Variants in RHOBTB3 observed in about 807,000 individuals in gnomAD.
RHOBTB3 encodes the protein rho-related BTB domain-containing protein 3.
A neutral mutation model predicts 67.2 loss-of-function variants in RHOBTB3; 47 were observed. The observed-to-expected ratio is 0.70, with a 90% CI of 0.55 to 0.89. The LOEUF is 0.89. Ranked by LOEUF, RHOBTB3 falls within the 40% of genes least tolerant of loss-of-function variation. The probability of loss-of-function intolerance (pLI) is 0.00; values close to 1 mark genes in which losing one functional copy is unlikely to be tolerated. For missense variants in RHOBTB3, 631 were observed against 750.0 expected (o/e 0.84, Z 1.85); for synonymous variants, 273 against 274.2 (o/e 1.00, Z 0.04).
chr5:95,732,159 C>T (rs755101624), intron 2 of RHOBTB3, 75 bp downstream of exon 2: 1 of 1,360,290 alleles, frequency 7.4e-7, no homozygotes, highest in Non-Finnish European at 1.0e-6. Flanking sequence ...CCCCCTTCTG[C>T]CCACTTCCGT....
At chr5:95,783,650 C>A (rs947981994) in intron 9 of RHOBTB3, 147 bp from the exon 10 acceptor site, 1 of 508,942 alleles carries the variant, frequency 2.0e-6, no homozygotes, top group Non-Finnish European at 3.4e-6. Flanking sequence ...CTGACTCCCT[C>A]GAGGCTTTTC....
intron 6 of RHOBTB3, among the ~76,000 whole-genome samples, chr5:95,756,432 C>T (rs1209812547): frequency 6.6e-6 from 1 of 152,202 alleles, no homozygotes; most frequent in East Asian, 1.9e-4. Context: ...GTTGCTTCCA[C>T]TGTTTTAGCT....
chr5:95,757,577 G>A (rs1046283895), intron 6 of RHOBTB3, among the ~76,000 whole-genome samples: 5 of 152,258 alleles, frequency 3.3e-5, no homozygotes, highest in Non-Finnish European at 5.9e-5. Flanking sequence ...TAAAAATAAG[G>A]TATTACTTTG....
intron 8 of RHOBTB3, among the ~76,000 whole-genome samples, chr5:95,775,611 T>C (rs906628815): frequency 3.9e-5 from 6 of 152,046 alleles, no homozygotes; most frequent in African/African-American, 1.4e-4. Flanking sequence ...TTAATGCCTC[T>C]CAGTGTGACA....
chr5:95,734,753 A>G (rs756572413), intron 2 of RHOBTB3, among the ~76,000 whole-genome samples: 22 of 152,186 alleles, frequency 1.4e-4, no homozygotes, highest in Non-Finnish European at 2.8e-4. Context: ...TAATAGATTT[A>G]CAGTTTTCTT....
chr5:95,734,811 T>C (rs1055203399), intron 2 of RHOBTB3, among the ~76,000 whole-genome samples: 1 of 152,204 alleles, frequency 6.6e-6, no homozygotes, highest in African/African-American at 2.4e-5. Flanking sequence ...GTATTTATAG[T>C]CTTCACATCC....
At chr5:95,744,232 T>C (rs147710666) in intron 3 of RHOBTB3, among the ~76,000 whole-genome samples, 723 of 152,302 alleles carry the variant, frequency 4.7e-3, no homozygotes, top group African/African-American at 0.017. Flanking sequence ...TGCTGTATTC[T>C]TAACTGTAGT....
chr5:95,761,280 T>A (rs924476162), intron 6 of RHOBTB3, among the ~76,000 whole-genome samples: 1 of 152,076 alleles, frequency 6.6e-6, no homozygotes, highest in African/African-American at 2.4e-5. Context: ...CATGTTCCCT[T>A]TCCTGCATAC....
At chr5:95,756,089 C>A in intron 6 of RHOBTB3, 1 of 219,464 alleles carries the variant, frequency 4.6e-6, no homozygotes, top group South Asian at 9.1e-5. Flanking sequence ...GTAACTATCA[C>A]CACCATCCGT....
In RHOBTB3 at chr5:95,780,448, G is replaced by C. The variant is rs1746016344; in HGVS notation, c.1456+23G>C. 10 of 1,599,156 alleles carry C rather than the reference G, an allele frequency of 6.3e-6. No individual in the cohort carries two copies. In the Middle Eastern group the frequency reaches 5.0e-4, roughly 80 times the overall value. ...CAGGTTAGCAATACAAATGTTGATA[G>C]TATCTCAGAATTCTTTCTTTCCTTG... On this transcript the variant is annotated intron_variant, in intron 9 of 11. Coordinates refer to ENST00000379982, the MANE Select transcript of RHOBTB3 (RefSeq NM_014899.4).
intron 11 of RHOBTB3, among the ~76,000 whole-genome samples, chr5:95,789,828 G>C (rs552303842): frequency 6.6e-6 from 1 of 152,048 alleles, no homozygotes; most frequent in African/African-American, 2.4e-5. Context: ...ATTTTACTTC[G>C]TAAAAAAGAC....
At chr5:95,721,460 G>T (rs1332413934) in intron 1 of RHOBTB3, among the ~76,000 whole-genome samples, 2 of 152,134 alleles carry the variant, frequency 1.3e-5, no homozygotes, top group Admixed American at 1.3e-4. Context: ...GGGCCTTGTC[G>T]GAGTTGTGAC....
intron 9 of RHOBTB3, among the ~76,000 whole-genome samples, chr5:95,780,644 C>T (rs576459379): frequency 3.3e-5 from 5 of 152,236 alleles, no homozygotes; most frequent in African/African-American, 9.6e-5. Context: ...TCTCCGACGC[C>T]GGCACAAGTT....
intron 1 of RHOBTB3, chr5:95,719,646 G>A (rs1341552271): frequency 6.6e-6 from 1 of 152,170 alleles, no homozygotes; most frequent in African/African-American, 2.4e-5. Flanking sequence ...TTGCATACCT[G>A]TTCAGAGAGT....
In RHOBTB3 at chr5:95,731,996, C is replaced by A. The variant is rs771619736; in HGVS notation, c.140C>A (p.Ala47Asp). 3.1e-6 allele frequency: 5 copies of A among 1,614,054 alleles called. No individual in the cohort carries two copies. In the Admixed American group the frequency reaches 6.7e-5, roughly 22 times the overall value. The change falls in exon 2 of 12, where the codon GCC (alanine) becomes GAC (aspartate). Residue 47 changes from alanine (A) to aspartate (D), a missense_variant. Transcript: ENST00000379982. ...GDESSLLLNA[A>D]STVARPVFTE... ...GAGAGCAGCTTGTTGCTGAACGCGG[C>A]CAGCACGGTCGCGCGTCCGGTGTTC...
intron 1 of RHOBTB3, among the ~76,000 whole-genome samples, chr5:95,720,349 A>C (rs1308008789): frequency 6.6e-6 from 1 of 152,226 alleles, no homozygotes; most frequent in African/African-American, 2.4e-5. Context: ...CTGCAATAAA[A>C]ATATTTGAGA....
chr5:95,742,963 C>T (rs1302093587), intron 3 of RHOBTB3, among the ~76,000 whole-genome samples: 1 of 152,046 alleles, frequency 6.6e-6, no homozygotes, highest in African/African-American at 2.4e-5. Flanking sequence ...CCCAGCTACT[C>T]GGGAGGCTGA....
chr5:95,731,550 C>T lies in RHOBTB3; in HGVS notation c.-133C>T. 2.1e-6 allele frequency: 3 copies of T among 1,444,244 alleles called. No individual in the cohort carries two copies. Among genetic ancestry groups the T allele is most frequent in the Non-Finnish European group, 2.7e-6 (3 of 1,100,102 alleles). The allele number at this position is 1,444,244 out of a possible 1,614,324, so 89.5% of individuals were successfully genotyped here. On this transcript the variant is annotated 5_prime_UTR_variant, in exon 1 of 12. Coordinates refer to ENST00000379982, the MANE Select transcript of RHOBTB3 (RefSeq NM_014899.4). ...CGGCCCCGCTCTGCGTCGGCCCCGC[C>T]GCGGTGGAGGCGCGCGAGGGGGACG...
intron 7 of RHOBTB3, among the ~76,000 whole-genome samples, chr5:95,766,743 G>A (rs1236689403): frequency 2.0e-5 from 3 of 152,174 alleles, no homozygotes; most frequent in African/African-American, 4.8e-5. Flanking sequence ...TGAGGTCTGA[G>A]TTAGACAGAG....
Sources: gnomAD v4.1 joint callset for allele counts (sites outside exome capture counted in the v4.1 genomes callset) on GRCh38, gnomAD v4.1.1 for gene constraint, MANE v1.5 for transcripts, NCBI Gene and HGNC (gene_info 2026-07-23, HGNC 2026-07-21) for gene names.